The following ACTR2 variants were observed in gnomAD, a reference collection of about 807,000 sequenced individuals.
The protein encoded by ACTR2 is actin related protein 2.
ACTR2 carries 5 observed loss-of-function variants against 50.2 expected under a neutral mutation model. The ratio of observed to expected loss-of-function variants is 0.10; its 90% confidence interval spans 0.05 to 0.21. ACTR2 has a LOEUF of 0.21. Ranked by LOEUF, ACTR2 falls within the 10% of genes least tolerant of loss-of-function variation. The pLI is 1.00. For synonymous variants in ACTR2, 140 were observed against 162.9 expected, an observed-to-expected ratio of 0.86 and a Z score of 1.07; for missense variants, 180 against 480.6, an observed-to-expected ratio of 0.37 and a Z score of 5.85.
chr2:65,250,672 C>CAAAAA (rs368589131), intron 3 of ACTR2, among the ~76,000 whole-genome samples: 7 of 84,856 alleles, frequency 8.2e-5, no homozygotes, highest in Non-Finnish European at 1.1e-4. Flanking sequence ...GACTTCATCT[C>CAAAAA]AAAAAAAAAA....
chr2:65,246,669 C>G lies in ACTR2; in HGVS notation c.305C>G (p.Thr102Ser), dbSNP rs1671944265. Residue 102 changes from threonine (T) to serine (S), a missense_variant, in exon 3 of 9, where the codon ACC (threonine) becomes AGC (serine). By Grantham distance (58) the Thr-to-Ser change is moderately conservative. Coordinates refer to ENST00000260641, the MANE Select transcript of ACTR2 (RefSeq NM_005722.4). ...TFGPEKLNID[T>S]RNCKILLTEP... The stretch of plus-strand genomic sequence containing the variant: ...GGACCAGAGAAACTTAATATAGATA[C>G]CAGAAATTGTAAAATCTTACTCACA... 6.2e-7 allele frequency: 1 copy of G among 1,613,434 alleles called. No homozygotes were observed.
chr2:65,248,759 C>T (rs1464985171), intron 3 of ACTR2, among the ~76,000 whole-genome samples: 2 of 151,974 alleles, frequency 1.3e-5, no homozygotes, highest in African/African-American at 4.8e-5. Flanking sequence ...GGCTAGGTGG[C>T]TCCCAGCACT....
rs189303446 is a variant in ACTR2, at chr2:65,244,300, T to C, written c.160-2224T>C. Among the ~76,000 whole-genome samples the C allele has an allele frequency of 1.7e-4, 26 of 152,294 alleles. No homozygotes were observed. The East Asian group carries it at 4.8e-3, about 28-fold the overall frequency. On this transcript the variant is annotated intron_variant, in intron 2 of 8. Coordinates refer to ENST00000260641, the MANE Select transcript of ACTR2 (RefSeq NM_005722.4). ...TATTATCTAATTATCTAATCTGTTA[T>C]CTTGTACAACACACAAAAAAGACGT...
intron 1 of ACTR2, among the ~76,000 whole-genome samples, chr2:65,237,841 G>A (rs182641189): frequency 1.6e-4 from 24 of 152,132 alleles, no homozygotes; most frequent in Admixed American, 5.9e-4. Context: ...TTACCTGGGC[G>A]TGGTGAGGTA....
At chr2:65,251,237 T>A (rs7574628) in intron 4 of ACTR2, 138 bp downstream of exon 4, 242,506 of 433,520 alleles carry the variant, frequency 0.56, 69,484 homozygotes, top group East Asian at 0.8. Context: ...TTGAAATATT[T>A]TCAGTTTTTA....
At chr2:65,266,141 C>A (rs1672368840) in intron 8 of ACTR2, among the ~76,000 whole-genome samples, 1 of 152,088 alleles carries the variant, frequency 6.6e-6, no homozygotes, top group South Asian at 2.1e-4. Context: ...GTGCCGGGGA[C>A]AAACAAAACA....
chr2:65,233,570 G>C (rs1222486960), intron 1 of ACTR2, among the ~76,000 whole-genome samples: 2 of 151,696 alleles, frequency 1.3e-5, no homozygotes, highest in Non-Finnish European at 1.5e-5. Flanking sequence ...CCCATAGGCA[G>C]TGTGCCCAGA....
At chr2:65,252,296 T>C (rs553618146) in intron 4 of ACTR2, among the ~76,000 whole-genome samples, 55 of 152,008 alleles carry the variant, frequency 3.6e-4, no homozygotes, top group East Asian at 1.7e-3. Flanking sequence ...AAGGGCTGTA[T>C]ATGAGTTTTA....
intron 8 of ACTR2, among the ~76,000 whole-genome samples, chr2:65,267,970 G>A (rs1040089690): frequency 1.4e-5 from 2 of 147,400 alleles, no homozygotes; most frequent in African/African-American, 5.0e-5. Context: ...CCGAGTAGCT[G>A]GGACTACAGG....
chr2:65,228,894 C>T (rs191459118), intron 1 of ACTR2, among the ~76,000 whole-genome samples: 2 of 152,228 alleles, frequency 1.3e-5, no homozygotes, highest in East Asian at 1.9e-4. Context: ...GCCCAGCCAA[C>T]GTGGTGAAAC....
Position 65,270,861 on chromosome 2 carries a change from T to C in ACTR2, c.*2127T>C, listed in dbSNP as rs1310473676. 1 of 151,798 alleles carries C rather than the reference T, an allele frequency of 6.6e-6. No homozygotes were observed. Among genetic ancestry groups the C allele is most frequent in the Non-Finnish European group, 1.5e-5 (1 of 67,952 alleles). 9.4% of individuals were successfully genotyped at this position (151,798 alleles called of 1,614,324 possible). On this transcript the variant is annotated 3_prime_UTR_variant, in exon 9 of 9. Transcript: ENST00000260641. ...ATTTAAATTTGGGATTTGGGTGGAG[T>C]ATTATGTTTAACTGGAGTTGTCAAG...
At chr2:65,240,016 A>G (rs2103989888) in intron 2 of ACTR2, 54 bp downstream of exon 2, 4 of 1,250,342 alleles carry the variant, frequency 3.2e-6, no homozygotes, top group East Asian at 4.7e-5. Flanking sequence ...GTGTTCTTAT[A>G]AAAGTAGTTT....
chr2:65,253,875 G>A lies in ACTR2; in HGVS notation c.585+11G>A, dbSNP rs1398381044. 10 of 1,598,146 alleles carry A rather than the reference G, an allele frequency of 6.3e-6. No individual in the cohort carries two copies. The highest frequency in any genetic ancestry group is 1.7e-5 in the Admixed American group (1 of 58,888). The stretch of plus-strand genomic sequence containing the variant: ...AGATATCTTATCAAGGTAAGTGAAA[G>A]GAAAATATCATGGAAATTAAATTTT... On this transcript the variant is annotated intron_variant, in intron 5 of 8. Coordinates refer to ENST00000260641, the MANE Select transcript of ACTR2 (RefSeq NM_005722.4).
intron 2 of ACTR2, 165 bp from the exon 3 acceptor site, chr2:65,246,359 C>A: frequency 3.7e-6 from 2 of 546,528 alleles, no homozygotes; most frequent in Non-Finnish European, 3.2e-6. Context: ...ATGTATTATC[C>A]ATGATTAAAC....
chr2:65,244,269 T>A (rs1196559909), intron 2 of ACTR2, among the ~76,000 whole-genome samples: 1 of 152,216 alleles, frequency 6.6e-6, no homozygotes, highest in Non-Finnish European at 1.5e-5. Flanking sequence ...GAAATAATAC[T>A]GATTATATTA....
chr2:65,266,906 G>A (rs573330808), intron 8 of ACTR2, among the ~76,000 whole-genome samples: 11 of 152,306 alleles, frequency 7.2e-5, no homozygotes, highest in African/African-American at 2.6e-4. Flanking sequence ...GTAGGAATCT[G>A]TAGATGAGTT....
At chr2:65,227,999 G>A in intron 1 of ACTR2, 42 bp downstream of exon 1, 2 of 1,475,596 alleles carry the variant, frequency 1.4e-6, no homozygotes, top group Non-Finnish European at 1.8e-6. Context: ...ACAGACGCCG[G>A]CGGGGACGAG....
Position 65,253,783 on chromosome 2 carries a change from A to G in ACTR2, c.504A>G (p.Pro168=), listed in dbSNP as rs17030083. Reference sequence around the variant, plus strand: ...GAGATGGTGTGACTCACATTTGCCCAGTATATGAAGGCTTTTCTCTCCCTC... The same window carrying G: ...GAGATGGTGTGACTCACATTTGCCCGGTATATGAAGGCTTTTCTCTCCCTC... ...DSGDGVTHIC[P]VYEGFSLPHL... is the part of the protein sequence containing the mutation. The change falls in exon 5 of 9, where the codon CCA becomes CCG. Residue 168 remains proline (P), a synonymous_variant. Coordinates refer to ENST00000260641, the MANE Select transcript of ACTR2 (RefSeq NM_005722.4). 5,448 of 1,613,908 alleles carry G rather than the reference A, an allele frequency of 3.4e-3. 175 individuals are homozygous for G. In the African/African-American group the frequency reaches 0.063, roughly 19 times the overall value.
At chr2:65,234,771 T>A (rs1243733441) in intron 1 of ACTR2, among the ~76,000 whole-genome samples, 1 of 152,202 alleles carries the variant, frequency 6.6e-6, no homozygotes, top group African/African-American at 2.4e-5. Flanking sequence ...GTAAACTTAT[T>A]TATTTGCATT....
Sources: allele counts gnomAD v4.1 joint callset (sites outside exome capture counted in the v4.1 genomes callset), GRCh38; gene constraint gnomAD v4.1.1; transcripts MANE v1.5; gene names NCBI Gene and HGNC (gene_info 2026-07-23, HGNC 2026-07-21).